Variants in IFT140 observed in about 807,000 individuals in gnomAD.
IFT140 encodes intraflagellar transport 140.
Under a neutral mutation model 164.6 loss-of-function variants are expected in IFT140, and 133 were observed. The observed-to-expected ratio is 0.81, with a 90% CI of 0.70 to 0.93. The LOEUF is 0.93. Ranked by LOEUF, IFT140 falls within the 40% of genes least tolerant of loss-of-function variation. The pLI is 0.00. For missense variants in IFT140, 2,045 were observed against 1,972.3 expected (o/e 1.04, Z -0.70); for synonymous variants, 860 against 817.3 (o/e 1.05, Z -0.89).
At chr16:1,554,271 G>C (rs369062740) in intron 19 of IFT140, 1 of 437,330 alleles carries the variant, frequency 2.3e-6, no homozygotes, top group African/African-American at 2.1e-5. Context: ...CTCTGGGCGC[G>C]ATGAGCACCA....
At chr16:1,595,162 G>A (rs919706724) in intron 4 of IFT140, among the ~76,000 whole-genome samples, 2 of 152,204 alleles carry the variant, frequency 1.3e-5, no homozygotes, top group Non-Finnish European at 2.9e-5. Context: ...GCGGGCGCCT[G>A]TAGTCCCAGC....
intron 19 of IFT140, among the ~76,000 whole-genome samples, chr16:1,550,565 G>A (rs566925148): frequency 3.3e-5 from 5 of 152,380 alleles, no homozygotes; most frequent in South Asian, 4.1e-4. Flanking sequence ...GGGACCCAGC[G>A]TCTCAGGGCT....
intron 19 of IFT140, among the ~76,000 whole-genome samples, chr16:1,536,459 C>T (rs1314950375): frequency 2.6e-5 from 4 of 152,216 alleles, no homozygotes; most frequent in African/African-American, 4.8e-5. Flanking sequence ...TTTACAACAT[C>T]CTCCTGCAAC....
At chr16:1,566,119 C>A (rs760796684) in intron 16 of IFT140, 42 bp downstream of exon 16, 1 of 1,600,924 alleles carries the variant, frequency 6.2e-7, no homozygotes, top group Non-Finnish European at 8.5e-7. Context: ...AGTAACTGAA[C>A]ATCATTTTTT....
chr16:1,586,381 A>C (rs1168992234), intron 9 of IFT140, 106 bp from the exon 10 acceptor site: 2 of 1,132,040 alleles, frequency 1.8e-6, no homozygotes, highest in African/African-American at 3.1e-5. Flanking sequence ...GCCCTCGCCC[A>C]GTCTGGTGCC....
intron 19 of IFT140, chr16:1,541,536 G>A (rs1473273741): frequency 2.0e-6 from 2 of 982,882 alleles, no homozygotes; most frequent in Non-Finnish European, 2.4e-6. Context: ...TTCAGTGACA[G>A]GGAAGCCGGT....
At chr16:1,554,412 T>C (rs1413680301) in intron 19 of IFT140, among the ~76,000 whole-genome samples, 2 of 152,106 alleles carry the variant, frequency 1.3e-5, no homozygotes, top group African/African-American at 4.8e-5. Context: ...CCCCCCCAAG[T>C]TGGTGTTGCA....
chr16:1,524,049 C>T, intron 24 of IFT140, 93 bp from the exon 25 acceptor site: 1 of 1,496,558 alleles, frequency 6.7e-7, no homozygotes, highest in Admixed American at 2.0e-5. Context: ...GAACCCGCCC[C>T]TTCACTTTGA....
intron 12 of IFT140, 42 bp from the exon 13 acceptor site, chr16:1,580,892 G>C: frequency 7.3e-7 from 1 of 1,366,838 alleles, no homozygotes; most frequent in Non-Finnish European, 1.0e-6. Flanking sequence ...CCGCTCATCC[G>C]CCAGACTTGC....
intron 30 of IFT140, among the ~76,000 whole-genome samples, chr16:1,511,550 G>C (rs2040157253): frequency 6.6e-6 from 1 of 152,154 alleles, no homozygotes; most frequent in South Asian, 2.1e-4. Context: ...AGAGTGGAGG[G>C]CAGGCAGCGA....
chr16:1,572,901 G>A (rs1054593480), intron 13 of IFT140, among the ~76,000 whole-genome samples: 1 of 152,206 alleles, frequency 6.6e-6, no homozygotes, highest in African/African-American at 2.4e-5. Flanking sequence ...AGTCAGATGC[G>A]AACGGCTGAA....
chr16:1,524,895 C>A lies in IFT140; in HGVS notation c.2886G>T (p.Ala962=), dbSNP rs201150342. The A allele has an allele frequency of 1.2e-6, 2 of 1,608,130 alleles. No individual in the cohort carries two copies. The highest frequency in any genetic ancestry group is 2.2e-5 in the East Asian group (1 of 44,744). Residue 962 remains alanine, a synonymous_variant, in exon 23 of 31, where the codon GCG becomes GCT. Coordinates refer to ENST00000426508, the MANE Select transcript of IFT140 (RefSeq NM_014714.4). The part of the protein sequence containing the change: ...MKDKTLWRWW[A]QYLESQGEMD... ...TCTCGCCCTGGCTCTCCAGGTACTG[C>A]GCCCACCACCGCCACAGGGTCCTGC...
At chr16:1,527,463 G>A (rs2141190012) in intron 19 of IFT140, among the ~76,000 whole-genome samples, 1 of 152,330 alleles carries the variant, frequency 6.6e-6, no homozygotes, top group East Asian at 1.9e-4. Flanking sequence ...CCAGCCCTGT[G>A]CCCCACTCTC....
At chr16:1,569,422 T>G (rs953396306) in intron 14 of IFT140, among the ~76,000 whole-genome samples, 1 of 151,918 alleles carries the variant, frequency 6.6e-6, no homozygotes, top group South Asian at 2.1e-4. Context: ...CAAGCTTCTT[T>G]CCTTCCTCCC....
At chr16:1,529,839 G>C (rs1324473105) in intron 19 of IFT140, among the ~76,000 whole-genome samples, 1 of 152,204 alleles carries the variant, frequency 6.6e-6, no homozygotes, top group Non-Finnish European at 1.5e-5. Flanking sequence ...GGGCTCCCCA[G>C]AACGCTGCTG....
At chr16:1,542,196 T>A in intron 19 of IFT140, 1 of 1,146,798 alleles carries the variant, frequency 8.7e-7, no homozygotes, top group Non-Finnish European at 1.2e-6. Flanking sequence ...CCTCTCAACA[T>A]GGCCACAGGC....
At chr16:1,555,538 T>C (rs979936510) in intron 19 of IFT140, 1 of 157,692 alleles carries the variant, frequency 6.3e-6, no homozygotes, top group Non-Finnish European at 1.4e-5. Flanking sequence ...CTCGATTCTT[T>C]TCCTAAGTTA....
At chr16:1,588,376 T>G (rs2141865986) in intron 7 of IFT140, among the ~76,000 whole-genome samples, 2 of 152,058 alleles carry the variant, frequency 1.3e-5, no homozygotes, top group South Asian at 4.2e-4. Context: ...ATACAAAAAA[T>G]TAGCCGGGCA....
chr16:1,609,608 G>A (rs1406439481), intron 2 of IFT140, among the ~76,000 whole-genome samples: 1 of 152,204 alleles, frequency 6.6e-6, no homozygotes, highest in Non-Finnish European at 1.5e-5. Context: ...AACTTAGCAA[G>A]GAGAGAGATT....
Sources: allele counts gnomAD v4.1 joint callset (sites outside exome capture counted in the v4.1 genomes callset), GRCh38; gene constraint gnomAD v4.1.1; transcripts MANE v1.5; gene names NCBI Gene and HGNC (gene_info 2026-07-23, HGNC 2026-07-21).